BEND2: variants seen among roughly 807,000 people sequenced by gnomAD.
The protein encoded by BEND2 is BEN domain-containing protein 2.
A neutral mutation model predicts 43.8 loss-of-function variants in BEND2; 19 were observed. The ratio of observed to expected loss-of-function variants is 0.43; its 90% CI spans 0.30 to 0.64. The LOEUF is 0.64. BEND2 is among the 30% of genes least tolerant of loss of function. The pLI, the probability that BEND2 is intolerant of heterozygous loss-of-function variation, is 0.11. For synonymous variants in BEND2, 226 were observed against 210.1 expected (o/e 1.08, Z -0.66); for missense variants, 544 against 574.0 (o/e 0.95, Z 0.53).
intron 6 of BEND2, among the ~76,000 whole-genome samples, chrX:18,198,498 A>T (rs1430872417): frequency 8.9e-6 from 1 of 111,732 alleles, no homozygotes; most frequent in African/African-American, 3.3e-5. Flanking sequence ...TCAAAACCAC[A>T]ATGAGATACC....
intron 6 of BEND2, among the ~76,000 whole-genome samples, chrX:18,197,914 CA>C: frequency 9.0e-6 from 1 of 111,193 alleles, no homozygotes; most frequent in African/African-American, 3.3e-5. Context: ...GAGATAGAAG[CA>C]AAAGCAGAAA....
At chrX:18,169,160 T>A (rs1451447513) in intron 13 of BEND2, among the ~76,000 whole-genome samples, 1 of 107,542 alleles carries the variant, frequency 9.3e-6, no homozygotes, top group Non-Finnish European at 1.9e-5. Flanking sequence ...AAAGAAAAAA[T>A]AAAATAAAAT....
At position 18,185,401 on chromosome X, in the gene BEND2, C is replaced by T. The variant is rs919849247; in HGVS notation, c.1289-4751G>A. Among the ~76,000 whole-genome samples, 5 of 108,472 alleles carry T rather than the reference C, an allele frequency of 4.6e-5. No homozygotes were observed. The East Asian group carries it at 1.5e-3, about 32-fold the overall frequency. The allele number at this position is 108,472 out of a possible 115,157, so 94.2% of individuals were successfully genotyped here. ...AAAAAATTAGCCAGGCATGGTGGCG[C>T]GTGCCTATAATCCCAGCTACTTAGA... On this transcript the variant is annotated intron_variant, in intron 8 of 13. Transcript: ENST00000380033.
chrX:18,204,010 G>A, intron 4 of BEND2, 95 bp from the exon 5 acceptor site: 1 of 861,766 alleles, frequency 1.2e-6, no homozygotes, highest in South Asian at 3.4e-5. Flanking sequence ...ACTTTTTTGT[G>A]TAAATCCAGA....
intron 8 of BEND2, among the ~76,000 whole-genome samples, chrX:18,185,153 T>TACA (rs1252130119): frequency 3.6e-5 from 4 of 109,978 alleles, no homozygotes; most frequent in Non-Finnish European, 7.6e-5. Context: ...CTACAAGATC[T>TACA]AGAAAACAGC....
rs1267323683 is a variant in BEND2, at chrX:18,163,722, G to T, written c.*1287C>A. ...AATTCAAAATATGCATATACAATTT[G>T]AAATTTCTTCTTGCCTAGGGTCGAA... is the stretch of plus-strand genomic sequence containing the variant. On this transcript the variant is annotated 3_prime_UTR_variant, in exon 14 of 14. Transcript: ENST00000380033. The T allele has an allele frequency of 3.6e-5, 4 of 112,082 alleles. No homozygotes were observed. Among genetic ancestry groups the T allele is most frequent in the African/African-American group, 1.3e-4 (4 of 30,883 alleles). The allele number at this position is 112,082 out of a possible 1,213,427, so 9.2% of individuals were successfully genotyped here. A position where few individuals can be genotyped will look rare whatever the true frequency, so the allele number is the denominator to read the frequency against.
At chrX:18,184,809 G>A (rs1924513958) in intron 8 of BEND2, among the ~76,000 whole-genome samples, 1 of 110,958 alleles carries the variant, frequency 9.0e-6, no homozygotes, top group South Asian at 3.8e-4. Flanking sequence ...CTCACCAAAC[G>A]AATGAAATAA....
intron 2 of BEND2, among the ~76,000 whole-genome samples, chrX:18,216,163 C>A (rs1232865969): frequency 9.0e-6 from 1 of 111,397 alleles, no homozygotes. Context: ...ATCATGCCAC[C>A]TGCTCCATGG....
intron 8 of BEND2, among the ~76,000 whole-genome samples, chrX:18,183,042 C>CAAAAAA (rs56812732): frequency 4.9e-5 from 2 of 40,784 alleles, no homozygotes; most frequent in African/African-American, 1.1e-4. Flanking sequence ...ACTCTGTCTC[C>CAAAAAA]AAAAAAAAAA....
intron 7 of BEND2, among the ~76,000 whole-genome samples, chrX:18,192,543 C>G (rs1295145966): frequency 8.9e-6 from 1 of 112,317 alleles, no homozygotes; most frequent in African/African-American, 3.2e-5. Context: ...TTGGCAGTTT[C>G]TTATAACACT....
At chrX:18,182,628 A>G (rs1227273588) in intron 8 of BEND2, among the ~76,000 whole-genome samples, 1 of 111,805 alleles carries the variant, frequency 8.9e-6, no homozygotes, top group African/African-American at 3.3e-5. Flanking sequence ...ATATGTTCAC[A>G]CCAATCAAAA....
rs999464588 is a variant in BEND2, at chrX:18,196,022, G to A, written c.1034-580C>T. On this transcript the variant is annotated intron_variant, in intron 6 of 13. Coordinates refer to ENST00000380033, the MANE Select transcript of BEND2 (RefSeq NM_153346.5). ...TGATAGAAAGACCACAATATAGGCC[G>A]GGAGCAGTGGCTCCACCTGTAATCC... is the stretch of plus-strand genomic sequence containing the variant. 1.2e-4 allele frequency among the ~76,000 whole-genome samples: 13 copies of A among 111,550 alleles called. No homozygotes were observed. In the East Asian group the frequency reaches 2.3e-3, roughly 19 times the overall value.
chrX:18,185,010 C>T (rs987364492), intron 8 of BEND2, among the ~76,000 whole-genome samples: 3 of 108,984 alleles, frequency 2.8e-5, no homozygotes, highest in Admixed American at 2.0e-4. Flanking sequence ...TTGAAAAATG[C>T]GGTTGACATA....
chrX:18,185,867 C>T (rs2147404319), intron 8 of BEND2, among the ~76,000 whole-genome samples: 1 of 110,713 alleles, frequency 9.0e-6, no homozygotes, highest in South Asian at 3.8e-4. Context: ...AATAGTATAT[C>T]TGGTGAAAAT....
chrX:18,201,427 A>AAAAAAAAAAAAAC (rs1925156313), intron 6 of BEND2, among the ~76,000 whole-genome samples: 14 of 86,428 alleles, frequency 1.6e-4, no homozygotes, highest in African/African-American at 3.9e-4. Context: ...ACAAAAAAAA[A>AAAAAAAAAAAAAC]AAAACTGGTG....
At chrX:18,172,245 G>C (rs1376555356) in intron 12 of BEND2, among the ~76,000 whole-genome samples, 1 of 111,107 alleles carries the variant, frequency 9.0e-6, no homozygotes, top group Non-Finnish European at 1.9e-5. Context: ...TAGCAGGAGA[G>C]ATTATTTAGA....
intron 3 of BEND2, among the ~76,000 whole-genome samples, 157 bp from the exon 4 acceptor site, chrX:18,212,837 C>T (rs978359498): frequency 4.5e-5 from 5 of 112,222 alleles, no homozygotes; most frequent in African/African-American, 1.6e-4. Flanking sequence ...TTTAGAGTAA[C>T]TATTTTAAAA....
intron 13 of BEND2, 58 bp downstream of exon 13, chrX:18,170,943 C>A (rs1923952823): frequency 1.7e-6 from 2 of 1,204,886 alleles, no homozygotes; most frequent in Admixed American, 2.2e-5. Flanking sequence ...TTCTTTCTAC[C>A]CTTCTCTTAA....
chrX:18,195,547 A>T (rs1331893798), intron 6 of BEND2, 105 bp from the exon 7 acceptor site: 1 of 821,691 alleles, frequency 1.2e-6, no homozygotes, highest in Non-Finnish European at 1.7e-6. Flanking sequence ...AAAACTAAAA[A>T]AATCTGTCCC....
Sources: gnomAD v4.1 joint callset for allele counts (sites outside exome capture counted in the v4.1 genomes callset) on GRCh38, gnomAD v4.1.1 for gene constraint, MANE v1.5 for transcripts, NCBI Gene and HGNC (gene_info 2026-07-23, HGNC 2026-07-21) for gene names.